Variants in RGS8 observed in about 807,000 individuals in gnomAD.
The protein encoded by RGS8 is regulator of G protein signaling 8, also known as regulator of G-protein signaling 8.
A neutral mutation model predicts 21.7 loss-of-function variants in RGS8; 8 were observed. The ratio of observed to expected loss-of-function variants is 0.37; its 90% CI spans 0.22 to 0.66. RGS8 has a LOEUF of 0.66. Ranked by LOEUF, RGS8 falls within the 30% of genes least tolerant of loss-of-function variation. The pLI, the probability that RGS8 is intolerant of heterozygous loss-of-function variation, is 0.59. For missense variants in RGS8, 157 were observed against 217.9 expected (o/e 0.72, Z 1.76); for synonymous variants, 80 against 83.6 (o/e 0.96, Z 0.24).
At chr1:182,678,477 G>C (rs927244977) in intron 1 of RGS8, among the ~76,000 whole-genome samples, 7 of 152,166 alleles carry the variant, frequency 4.6e-5, no homozygotes, top group African/African-American at 1.7e-4. Context: ...ATTCACAGAG[G>C]TTTAGAGTGG....
intron 6 of RGS8, 144 bp downstream of exon 7, chr1:182,647,993 C>T: frequency 1.5e-6 from 1 of 674,688 alleles, no homozygotes; most frequent in Non-Finnish European, 2.2e-6. Flanking sequence ...AAAAATGATC[C>T]TTTTTTCATC....
the RGS8 span, among the ~76,000 whole-genome samples, chr1:182,718,213 G>A: frequency 2.6e-5 from 4 of 152,174 alleles, no homozygotes; most frequent in African/African-American, 9.7e-5. Flanking sequence ...CAGCGTGAAG[G>A]AATATTTTGA....
downstream of RGS8, chr1:182,643,527 G>A (rs1662571398): frequency 6.6e-6 from 1 of 152,074 alleles, no homozygotes; most frequent in Admixed American, 6.5e-5. Context: ...GAGCAGCCAA[G>A]GTCGTGAGAC....
At chr1:182,647,058 G>A (rs1287582203) in intron 6 of RGS8, 141 bp from the exon 8 acceptor site, 1 of 717,402 alleles carries the variant, frequency 1.4e-6, no homozygotes, top group Non-Finnish European at 2.3e-6. Context: ...CTTCCATGGA[G>A]GTCATCCCTT....
chr1:182,665,727 G>A (rs769826138), intron 5 of RGS8, among the ~76,000 whole-genome samples: 2 of 152,156 alleles, frequency 1.3e-5, no homozygotes, highest in Admixed American at 6.5e-5. Flanking sequence ...CTGAGAATAC[G>A]AAGGCTTCTT....
chr1:182,666,967 T>C (rs767342734), exon 4 of RGS8: 40 of 1,613,082 alleles, frequency 2.5e-5, no homozygotes, highest in Non-Finnish European at 3.0e-5. Context: ...TCCTCATCCC[T>C]TTGTTCCTGC....
the RGS8 span, among the ~76,000 whole-genome samples, chr1:182,694,335 A>G: frequency 6.6e-6 from 1 of 152,166 alleles, no homozygotes; most frequent in Non-Finnish European, 1.5e-5. Flanking sequence ...TCCCAAAGGA[A>G]GTGCTTAGTC....
At chr1:182,664,501 A>G (rs1663757995) in intron 5 of RGS8, among the ~76,000 whole-genome samples, 1 of 152,192 alleles carries the variant, frequency 6.6e-6, no homozygotes, top group Admixed American at 6.5e-5. Flanking sequence ...AAACTTCAAG[A>G]TGACCTTGAA....
the RGS8 span, among the ~76,000 whole-genome samples, chr1:182,732,349 T>A: frequency 1.3e-5 from 2 of 151,910 alleles, no homozygotes; most frequent in Non-Finnish European, 2.9e-5. Context: ...AATCCTTTTC[T>A]AGGCTGCTAC....
exon 7 of RGS8, chr1:182,646,677 G>A (rs575250014): frequency 7.1e-5 from 104 of 1,469,404 alleles, no homozygotes; most frequent in Non-Finnish European, 8.8e-5. Flanking sequence ...ATTAGAATAT[G>A]ATCTTGGCAG....
the RGS8 span, among the ~76,000 whole-genome samples, chr1:182,732,682 T>A: frequency 6.6e-6 from 1 of 152,208 alleles, no homozygotes; most frequent in Non-Finnish European, 1.5e-5. Context: ...ACAATTTTAT[T>A]ATCAGAAACT....
the RGS8 span, among the ~76,000 whole-genome samples, chr1:182,736,228 G>T: frequency 5.9e-5 from 9 of 152,146 alleles, no homozygotes; most frequent in Non-Finnish European, 1.0e-4. Flanking sequence ...GCCTCCACCA[G>T]TGGTACAATT....
At chr1:182,666,027 T>A (rs1220057188) in exon 5 of RGS8, 1 of 1,613,570 alleles carries the variant, frequency 6.2e-7, no homozygotes. Flanking sequence ...CTTCTGTCGA[T>A]AATCTCCTAG....
chr1:182,731,254 A>G, the RGS8 span, among the ~76,000 whole-genome samples: 1 of 152,176 alleles, frequency 6.6e-6, no homozygotes, highest in South Asian at 2.1e-4. Context: ...AGCCCTCACA[A>G]ACTTAGCTAT....
chr1:182,724,225 T>G, the RGS8 span, among the ~76,000 whole-genome samples: 646 of 129,292 alleles, frequency 5.0e-3, 27 homozygotes, highest in African/African-American at 0.018. Context: ...TATATATATA[T>G]ATATATATAT....
chr1:182,741,036 TGTC>T, the RGS8 span, among the ~76,000 whole-genome samples: 11 of 151,290 alleles, frequency 7.3e-5, no homozygotes, highest in Admixed American at 2.0e-4. Context: ...AAACCGCCAT[TGTC>T]ATCATGGCCC....
At chr1:182,740,528 G>A in the RGS8 span, among the ~76,000 whole-genome samples, 1 of 111,142 alleles carries the variant, frequency 9.0e-6, no homozygotes, top group Non-Finnish European at 1.9e-5. Flanking sequence ...TTGAACTCAT[G>A]TTGTTTTTTT....
At chr1:182,702,956 G>A in the RGS8 span, among the ~76,000 whole-genome samples, 2 of 152,192 alleles carry the variant, frequency 1.3e-5, no homozygotes, top group Admixed American at 1.3e-4. Flanking sequence ...CAATGTATAG[G>A]CAATGATAAA....
rs181041747 is a variant in RGS8 at position 182,647,565 on chromosome 1, C to T, written c.360+572G>A. Among the ~76,000 whole-genome samples the T allele has an allele frequency of 3.7e-3, 560 of 152,294 alleles. 1 individual carries two copies. The highest frequency in any genetic ancestry group is 6.7e-3 in the Non-Finnish European group (456 of 68,030). ...AATTCTGTATTATAACTCACAACAG[C>T]AGTATAATAGAAATTCATCCTATTA... On this transcript the variant is annotated intron_variant, in intron 6 of 6. Transcript: ENST00000483095.
Sources: allele counts gnomAD v4.1 joint callset (sites outside exome capture counted in the v4.1 genomes callset), GRCh38; gene constraint gnomAD v4.1.1; transcripts MANE v1.5; gene names NCBI Gene and HGNC (gene_info 2026-07-23, HGNC 2026-07-21).